PPARG: variants seen among roughly 807,000 people sequenced by gnomAD.
PPARG encodes the protein peroxisome proliferator activated receptor gamma.
PPARG carries 17 observed loss-of-function variants against 39.2 expected under a neutral mutation model. That is an observed-to-expected ratio of 0.43 (90% CI 0.30 to 0.65). The LOEUF is 0.65. Among genes scored for constraint, PPARG ranks in the 30% least tolerant of loss-of-function variants. The pLI is 0.13. For synonymous variants in PPARG, 223 were observed against 215.7 expected (o/e 1.03, Z -0.30); for missense variants, 406 against 585.9 (o/e 0.69, Z 3.17).
At chr3:12,415,535 C>A (rs1401419269) in intron 6 of PPARG, among the ~76,000 whole-genome samples, 3 of 152,182 alleles carry the variant, frequency 2.0e-5, no homozygotes, top group African/African-American at 7.2e-5. Context: ...TTGCTTAGTT[C>A]TATACAAGGG....
At chr3:12,364,103 G>A (rs1011297043) in intron 2 of PPARG, among the ~76,000 whole-genome samples, 3 of 151,854 alleles carry the variant, frequency 2.0e-5, no homozygotes, top group Non-Finnish European at 4.4e-5. Flanking sequence ...TTCACTCTTC[G>A]TGTTATATTC....
intron 2 of PPARG, chr3:12,351,473 C>T (rs1318438406): frequency 1.3e-6 from 1 of 760,140 alleles, no homozygotes; most frequent in Non-Finnish European, 2.3e-6. Flanking sequence ...GATGTCTTGA[C>T]TCATGGGTGT....
chr3:12,351,691 A>G (rs745362327), intron 2 of PPARG: 2 of 1,582,908 alleles, frequency 1.3e-6, no homozygotes, highest in South Asian at 2.2e-5. Flanking sequence ...TTCCTTCCAG[A>G]TACGGCTATT....
intron 7 of PPARG, among the ~76,000 whole-genome samples, chr3:12,428,988 C>A (rs1208513319): frequency 6.6e-6 from 1 of 152,164 alleles, no homozygotes; most frequent in Non-Finnish European, 1.5e-5. Flanking sequence ...TGATCTTAAT[C>A]AGTTTGCCCA....
intron 4 of PPARG, 50 bp downstream of exon 4, chr3:12,381,541 AT>A (rs1435717109): frequency 6.4e-7 from 1 of 1,573,822 alleles, no homozygotes; most frequent in Admixed American, 1.7e-5. Context: ...TTATTATTTC[AT>A]TTCAGCAGAA....
At chr3:12,406,905 A>G (rs1575126189) in intron 6 of PPARG, 1 of 152,302 alleles carries the variant, frequency 6.6e-6, no homozygotes, top group Admixed American at 6.5e-5. Context: ...TATCTTCTGC[A>G]AGGCTCTGAG....
chr3:12,403,903 A>G (rs1388408163), intron 5 of PPARG, among the ~76,000 whole-genome samples: 1 of 152,234 alleles, frequency 6.6e-6, no homozygotes, highest in Non-Finnish European at 1.5e-5. Context: ...TGAGGATACA[A>G]TAATGAACAA....
At chr3:12,394,371 A>C (rs1365847803) in intron 5 of PPARG, among the ~76,000 whole-genome samples, 2 of 152,228 alleles carry the variant, frequency 1.3e-5, no homozygotes, top group African/African-American at 4.8e-5. Context: ...GCATACGTTT[A>C]CTTAAAATCA....
intron 2 of PPARG, among the ~76,000 whole-genome samples, chr3:12,359,986 A>G (rs1295310440): frequency 6.6e-6 from 1 of 151,914 alleles, no homozygotes; most frequent in African/African-American, 2.4e-5. Flanking sequence ...TCACTCTTTT[A>G]GATAAAATGT....
intron 2 of PPARG, among the ~76,000 whole-genome samples, chr3:12,325,634 A>G (rs961834439): frequency 3.3e-5 from 5 of 151,748 alleles, no homozygotes; most frequent in South Asian, 2.1e-4. Flanking sequence ...AAGGCTTAGT[A>G]TAGAACTCTT....
intron 1 of PPARG, among the ~76,000 whole-genome samples, chr3:12,293,036 C>G (rs1272335614): frequency 6.6e-6 from 1 of 152,228 alleles, no homozygotes. Context: ...GTGTTATCTT[C>G]CACTGCCTTA....
intron 2 of PPARG, among the ~76,000 whole-genome samples, chr3:12,333,466 TTTG>T (rs754195930): frequency 1.3e-5 from 2 of 152,142 alleles, no homozygotes; most frequent in Admixed American, 1.3e-4. Flanking sequence ...TTCCTGTGTT[TTTG>T]TTGTTGTCGT....
chr3:12,413,341 T>C (rs2050944897), intron 6 of PPARG, among the ~76,000 whole-genome samples: 1 of 152,208 alleles, frequency 6.6e-6, no homozygotes, highest in Non-Finnish European at 1.5e-5. Context: ...CTCTTGCAGT[T>C]TGACAGATCT....
At chr3:12,406,997 A>T (rs1239943060) in intron 6 of PPARG, among the ~76,000 whole-genome samples, 1 of 152,154 alleles carries the variant, frequency 6.6e-6, no homozygotes, top group Admixed American at 6.5e-5. Flanking sequence ...AATGGGTTGT[A>T]ATTGTTACTG....
At chr3:12,430,372 C>T (rs1152002) in intron 7 of PPARG, among the ~76,000 whole-genome samples, 68,267 of 151,996 alleles carry the variant, frequency 0.45, 15,437 homozygotes, top group Non-Finnish European at 0.48. Flanking sequence ...TGATACCTCA[C>T]GGTCTAACGG....
intron 5 of PPARG, among the ~76,000 whole-genome samples, chr3:12,394,512 T>C (rs894313519): frequency 6.6e-6 from 1 of 152,224 alleles, no homozygotes; most frequent in Non-Finnish European, 1.5e-5. Context: ...ATATTTTGAC[T>C]TCATATGACA....
At chr3:12,296,027 A>G (rs914107772) in intron 1 of PPARG, among the ~76,000 whole-genome samples, 1 of 151,610 alleles carries the variant, frequency 6.6e-6, no homozygotes, top group Non-Finnish European at 1.5e-5. Context: ...TGAGGTAGGC[A>G]GATCACTTGA....
At chr3:12,398,582 G>A (rs1194726049) in intron 5 of PPARG, among the ~76,000 whole-genome samples, 2 of 152,214 alleles carry the variant, frequency 1.3e-5, no homozygotes, top group African/African-American at 2.4e-5. Context: ...GTAGGTTAGA[G>A]AGGTCACACT....
chr3:12,421,490 A>G (rs2051259348), intron 7 of PPARG, among the ~76,000 whole-genome samples: 1 of 152,204 alleles, frequency 6.6e-6, no homozygotes, highest in Non-Finnish European at 1.5e-5. Context: ...TGAAGCTGAC[A>G]AGCCCCAGGA....
Sources: allele counts gnomAD v4.1 joint callset (sites outside exome capture counted in the v4.1 genomes callset), GRCh38; gene constraint gnomAD v4.1.1; transcripts MANE v1.5; gene names NCBI Gene and HGNC (gene_info 2026-07-23, HGNC 2026-07-21).